NDUFB4: variants seen among roughly 807,000 people sequenced by gnomAD.
The protein encoded by NDUFB4 is NADH dehydrogenase [ubiquinone] 1 beta subcomplex subunit 4.
NDUFB4 carries 10 observed loss-of-function variants against 14.5 expected under a neutral mutation model. The ratio of observed to expected loss-of-function variants is 0.69; its 90% CI spans 0.43 to 1.17. The LOEUF (loss-of-function observed/expected upper bound fraction) is 1.17. Ranked by LOEUF, NDUFB4 falls within the 50% of genes most tolerant of loss-of-function variation. NDUFB4 has a pLI of 0.00. For missense variants in NDUFB4, 165 were observed against 161.1 expected (o/e 1.02, Z -0.13); for synonymous variants, 65 against 63.4 (o/e 1.03, Z -0.12).
intron 2 of NDUFB4, 62 bp downstream of exon 2, chr3:120,601,319 G>A (rs755412705): frequency 1.2e-6 from 2 of 1,601,820 alleles, no homozygotes; most frequent in Non-Finnish European, 1.7e-6. Flanking sequence ...GGGACCAGCT[G>A]CAGCTCCTTC....
Position 120,601,129 on chromosome 3 carries a change from C to T in NDUFB4, c.199C>T (p.Arg67Cys), listed in dbSNP as rs145311514. Residue 67 changes from arginine to cysteine, a missense_variant, in exon 2 of 3, where the codon CGT becomes TGT. Physicochemically the swap from Arg to Cys is radical, Grantham distance 180. Transcript: ENST00000184266. ...ATTTTAGGAAAATCCTGCCTTGCTT[C>T]GTTGGGCCTATGCAAGAACAATAAA... The part of the protein sequence containing the change: ...RGLIENPALL[R>C]WAYARTINVY... 35 of 1,610,660 alleles carry T rather than the reference C, an allele frequency of 2.2e-5. No homozygotes were observed. In the Admixed American group the frequency reaches 3.2e-4, roughly 15 times the overall value.
At chr3:120,601,805 T>C (rs190013694) in intron 2 of NDUFB4, 11,417 of 1,025,022 alleles carry the variant, frequency 0.011, 67 homozygotes, top group Middle Eastern at 0.02. Flanking sequence ...CTGGCCCATC[T>C]GCATTCCCAT....
intron 1 of NDUFB4, among the ~76,000 whole-genome samples, chr3:120,596,931 A>G (rs1939967060): frequency 6.7e-6 from 1 of 148,236 alleles, no homozygotes; most frequent in Non-Finnish European, 1.5e-5. Flanking sequence ...GTGTTCAGAA[A>G]ATGTTTCTAT....
At chr3:120,596,560 G>A (rs1337153607) in intron 1 of NDUFB4, 21 bp downstream of exon 1, 1 of 1,610,952 alleles carries the variant, frequency 6.2e-7, no homozygotes, top group East Asian at 2.2e-5. Context: ...GGCCTCCCAG[G>A]CGGGAATAGG....
At chr3:120,598,171 G>A (rs1013814299) in intron 1 of NDUFB4, among the ~76,000 whole-genome samples, 4 of 151,454 alleles carry the variant, frequency 2.6e-5, no homozygotes, top group Non-Finnish European at 4.4e-5. Flanking sequence ...TCCCACCTCC[G>A]CCTTCCAAGT....
intron 2 of NDUFB4, 71 bp from the exon 3 acceptor site, chr3:120,602,137 T>C: frequency 6.4e-7 from 1 of 1,564,702 alleles, no homozygotes; most frequent in Non-Finnish European, 8.6e-7. Context: ...TTTTTATTTA[T>C]TTATTTTTAT....
intron 1 of NDUFB4, among the ~76,000 whole-genome samples, chr3:120,597,024 T>TTA (rs201595019): frequency 7.1e-6 from 1 of 141,056 alleles, no homozygotes; most frequent in African/African-American, 2.7e-5. Flanking sequence ...CATATATATT[T>TTA]TATATATATG....
rs376658645 is a variant in NDUFB4, at chr3:120,596,474, A to G, written c.115A>G (p.Ile39Val). 91 of 1,614,104 alleles carry G rather than the reference A, an allele frequency of 5.6e-5. No homozygotes were observed. The highest frequency in any genetic ancestry group is 7.0e-5 in the Non-Finnish European group (83 of 1,179,978). The change falls in exon 1 of 3, where the codon ATA becomes GTA. Residue 39 changes from isoleucine to valine, a missense_variant. Ile to Val is a conservative substitution (Grantham distance 29). Coordinates refer to ENST00000184266, the MANE Select transcript of NDUFB4 (RefSeq NM_004547.6). ...TRRAQAERLA[I>V]RAQLKREYLL... ...GCGGGCGCAAGCCGAGCGGTTGGCC[A>G]TAAGAGCCCAGCTGAAACGAGAGTA... is the stretch of plus-strand genomic sequence containing the variant.
At chr3:120,600,121 G>GTTT (rs535359141) in intron 1 of NDUFB4, among the ~76,000 whole-genome samples, 49 of 117,980 alleles carry the variant, frequency 4.2e-4, no homozygotes, top group African/African-American at 1.3e-3. Flanking sequence ...TTTTTTTTTT[G>GTTT]TTTTTTTTTT....
chr3:120,596,369 C>A lies in NDUFB4; in HGVS notation c.10C>A (p.Pro4Thr). ...GCCCTGGTTCGCCAAGATGTCGTTC[C>A]CAAAGTATAAGCCGTCGAGCCTGCG... MSF[P>T]KYKPSSLRTL... Residue 4 changes from proline (P) to threonine (T), a missense_variant, in exon 1 of 3, where the codon CCA (proline) becomes ACA (threonine). By Grantham distance (38) the Pro-to-Thr change is conservative. Coordinates refer to ENST00000184266, the MANE Select transcript of NDUFB4 (RefSeq NM_004547.6). 3.7e-6 allele frequency: 6 copies of A among 1,614,146 alleles called. No homozygotes were observed. Among genetic ancestry groups the A allele is most frequent in the African/African-American group, 1.3e-5 (1 of 75,074 alleles).
chr3:120,598,406 G>A (rs1215739304), intron 1 of NDUFB4, among the ~76,000 whole-genome samples: 1 of 151,956 alleles, frequency 6.6e-6, no homozygotes, highest in Non-Finnish European at 1.5e-5. Flanking sequence ...AATTGCTCAG[G>A]GTCTGTTATG....
chr3:120,598,121 C>G (rs1329252945), intron 1 of NDUFB4, among the ~76,000 whole-genome samples: 1 of 150,846 alleles, frequency 6.6e-6, no homozygotes, highest in Admixed American at 6.6e-5. Context: ...GGTATGATCT[C>G]GGCTCACTGC....
chr3:120,600,802 A>G (rs1005034555), intron 1 of NDUFB4: 2 of 292,402 alleles, frequency 6.8e-6, no homozygotes, highest in Non-Finnish European at 1.3e-5. Context: ...CAAAGGAGAA[A>G]AAGTGGCTTC....
In NDUFB4 at chr3:120,596,644, C is replaced by G. The variant is rs970119387; in HGVS notation, c.180+105C>G. ...CCGCTCCCGATCAGTATCTCAGACG[C>G]AGGTCCTCTTCCAGGCCTAGCCAAC... On this transcript the variant is annotated intron_variant, in intron 1 of 2. Transcript: ENST00000184266. 19 of 1,294,250 alleles carry G rather than the reference C, an allele frequency of 1.5e-5. No homozygotes were observed. In the African/African-American group the frequency reaches 2.7e-4, roughly 18 times the overall value. The allele number at this position is 1,294,250 out of a possible 1,614,324, so 80.2% of individuals were successfully genotyped here.
chr3:120,601,811 C>T (rs1400698328), intron 2 of NDUFB4: 1 of 1,025,508 alleles, frequency 9.8e-7, no homozygotes, highest in Non-Finnish European at 1.2e-6. Flanking sequence ...CATCTGCATT[C>T]CCATTAGAGT....
chr3:120,597,125 A>G (rs1939976769), intron 1 of NDUFB4, among the ~76,000 whole-genome samples: 1 of 150,392 alleles, frequency 6.6e-6, no homozygotes. Context: ...TTCACAGCTC[A>G]TAGGGATACT....
chr3:120,601,956 A>C, intron 2 of NDUFB4: 1 of 1,232,270 alleles, frequency 8.1e-7, no homozygotes, highest in Non-Finnish European at 1.0e-6. Context: ...AAATGTGAGT[A>C]AGATGTTTTT....
chr3:120,596,471 G>C lies in NDUFB4; in HGVS notation c.112G>C (p.Ala38Pro). 1.2e-6 allele frequency: 2 copies of C among 1,614,082 alleles called. No individual in the cohort carries two copies. Among genetic ancestry groups the C allele is most frequent in the Non-Finnish European group, 1.7e-6 (2 of 1,179,974 alleles). Residue 38 changes from alanine (A) to proline (P), a missense_variant, in exon 1 of 3, where the codon GCC (alanine) becomes CCC (proline). Coordinates refer to ENST00000184266, the MANE Select transcript of NDUFB4 (RefSeq NM_004547.6). ...CCGGCGGGCGCAAGCCGAGCGGTTGGCCATAAGAGCCCAGCTGAAACGAGA... is the reference window on the plus strand; with the variant it reads ...CCGGCGGGCGCAAGCCGAGCGGTTGCCCATAAGAGCCCAGCTGAAACGAGA... Reference protein sequence around the residue: ...ETRRAQAERLAIRAQLKREYL... With the variant: ...ETRRAQAERLPIRAQLKREYL...
chr3:120,601,148 CAATA>C lies in NDUFB4; in HGVS notation c.222_225del (p.Ile74MetfsTer75). The C allele has an allele frequency of 1.2e-6, 2 of 1,613,886 alleles. No individual in the cohort carries two copies. Among genetic ancestry groups the C allele is most frequent in the South Asian group, 2.2e-5 (2 of 91,018 alleles). On this transcript the variant is annotated frameshift_variant, in exon 2 of 3. Coordinates refer to ENST00000184266, the MANE Select transcript of NDUFB4 (RefSeq NM_004547.6). LOFTEE classifies it high-confidence loss of function. ...TTGCTTCGTTGGGCCTATGCAAGAA[CAATA>C]AATGTCTATCCTAATTTCAGACCCA...
Sources: allele counts gnomAD v4.1 joint callset (sites outside exome capture counted in the v4.1 genomes callset), GRCh38; gene constraint gnomAD v4.1.1; transcripts MANE v1.5; gene names NCBI Gene and HGNC (gene_info 2026-07-23, HGNC 2026-07-21).